The following LUZP2 variants were observed in gnomAD, a reference collection of about 807,000 sequenced individuals.
LUZP2 encodes leucine zipper protein 2.
LUZP2 carries 52 observed loss-of-function variants against 51.6 expected under a neutral mutation model. The observed-to-expected ratio is 1.01, with a 90% CI of 0.81 to 1.27. The LOEUF is 1.27. Ranked by LOEUF, LUZP2 falls within the 50% of genes most tolerant of loss-of-function variation. LUZP2 has a pLI of 0.00. For missense variants in LUZP2, 436 were observed against 395.4 expected, an observed-to-expected ratio of 1.10 and a Z score of -0.87; for synonymous variants, 154 against 137.3, an observed-to-expected ratio of 1.12 and a Z score of -0.85.
At chr11:24,896,357 G>A (rs1284303378) in intron 5 of LUZP2, among the ~76,000 whole-genome samples, 1 of 152,154 alleles carries the variant, frequency 6.6e-6, no homozygotes, top group African/African-American at 2.4e-5. Flanking sequence ...GGTGGGCGGG[G>A]CCTCAGCGGT....
At position 25,079,366 on chromosome 11, in the gene LUZP2, C is replaced by T. The variant is rs1859407859; in HGVS notation, c.*708C>T. 6.6e-6 allele frequency: 1 copy of T among 151,972 alleles called. No homozygotes were observed. Among genetic ancestry groups the T allele is most frequent in the Middle Eastern group, 3.2e-3 (1 of 316 alleles). 9.4% of individuals were successfully genotyped at this position (151,972 alleles called of 1,614,324 possible). A position where few individuals can be genotyped will look rare whatever the true frequency, so the allele number is the denominator to read the frequency against. ...CCTATGTATGTCTACTGTAATTAAT[C>T]CAAGTTAATAACCAAGTTTTCTGAA... is the stretch of plus-strand genomic sequence containing the variant. On this transcript the variant is annotated 3_prime_UTR_variant, in exon 12 of 12. Transcript: ENST00000336930.
rs560889861 is a variant in LUZP2 at position 24,893,771 on chromosome 11, C to T, written c.397-12220C>T. 3.2e-3 allele frequency among the ~76,000 whole-genome samples: 68 copies of T among 21,202 alleles called. 1 individual carries two copies. Among genetic ancestry groups the T allele is most frequent in the South Asian group, 0.011 (4 of 362 alleles). The allele number at this position is 21,202 out of a possible 152,430, so 13.9% of individuals were successfully genotyped here. The stretch of plus-strand genomic sequence containing the variant: ...ACACAAACACATGCACAAATACACA[C>T]GCACACACACACACACACACACACA... On this transcript the variant is annotated intron_variant, in intron 5 of 11. Transcript: ENST00000336930.
In LUZP2 at chr11:24,863,404, C is replaced by G. The variant is rs3850768; in HGVS notation, c.397-42587C>G. On this transcript the variant is annotated intron_variant, in intron 5 of 11. Transcript: ENST00000336930. Reference sequence around the variant, plus strand: ...GAAAAAAAGTAGACATGCTACAATACGGATGAACCTTGAAAACATGATCCA... The same window carrying G: ...GAAAAAAAGTAGACATGCTACAATAGGGATGAACCTTGAAAACATGATCCA... 1.8e-4 allele frequency among the ~76,000 whole-genome samples: 28 copies of G among 152,274 alleles called. No homozygotes were observed. In the South Asian group the frequency reaches 5.8e-3, roughly 32 times the overall value.
chr11:24,909,882 AC>A (rs1479257637), intron 6 of LUZP2, among the ~76,000 whole-genome samples: 1 of 152,176 alleles, frequency 6.6e-6, no homozygotes, highest in Non-Finnish European at 1.5e-5. Context: ...GAACTGGCTA[AC>A]AGGCAGAGGT....
At chr11:24,684,516 T>C (rs887537512) in intron 1 of LUZP2, among the ~76,000 whole-genome samples, 7 of 152,226 alleles carry the variant, frequency 4.6e-5, no homozygotes, top group African/African-American at 1.7e-4. Flanking sequence ...ATGTTTCTTC[T>C]GTGCCCTGAG....
At chr11:24,986,551 G>GTGTGTGTGTGTGTGTT (rs1554950278) in intron 9 of LUZP2, among the ~76,000 whole-genome samples, 17 of 151,034 alleles carry the variant, frequency 1.1e-4, no homozygotes, top group South Asian at 2.1e-4. Flanking sequence ...GTGTGTGTGT[G>GTGTGTGTGTGTGTGTT]TGTGTGTGTG....
chr11:24,780,607 G>A (rs1390357629), intron 5 of LUZP2, among the ~76,000 whole-genome samples: 1 of 152,074 alleles, frequency 6.6e-6, no homozygotes, highest in African/African-American at 2.4e-5. Flanking sequence ...TGATGATGAT[G>A]ATGATCGTAA....
At chr11:24,728,901 T>C (rs1427905960) in intron 1 of LUZP2, among the ~76,000 whole-genome samples, 1 of 151,966 alleles carries the variant, frequency 6.6e-6, no homozygotes, top group Non-Finnish European at 1.5e-5. Flanking sequence ...AGGCATGTCT[T>C]ACATGCAGCA....
chr11:24,951,510 G>C (rs1282556920), intron 7 of LUZP2, among the ~76,000 whole-genome samples: 2 of 151,470 alleles, frequency 1.3e-5, no homozygotes, highest in African/African-American at 4.8e-5. Context: ...TTAATTATAA[G>C]CATTTACGAT....
chr11:24,633,954 G>GTATATATATA, intron 1 of LUZP2, among the ~76,000 whole-genome samples: 1 of 112,142 alleles, frequency 8.9e-6, no homozygotes, highest in Non-Finnish European at 2.0e-5. Flanking sequence ...GTGTGTGTGT[G>GTATATATATA]TGTGTGTGTG....
intron 1 of LUZP2, among the ~76,000 whole-genome samples, chr11:24,602,374 G>GTATA (rs1176071769): frequency 8.2e-4 from 55 of 67,078 alleles, no homozygotes; most frequent in African/African-American, 2.5e-3. Context: ...GTGTGTGTGT[G>GTATA]TATATATATA....
At chr11:24,608,871 A>T (rs1045327730) in intron 1 of LUZP2, among the ~76,000 whole-genome samples, 1 of 151,864 alleles carries the variant, frequency 6.6e-6, no homozygotes, top group Admixed American at 6.6e-5. Context: ...CTTCTTTCAG[A>T]TTTTCATTTT....
intron 9 of LUZP2, among the ~76,000 whole-genome samples, chr11:25,002,557 A>G (rs1389223644): frequency 1.3e-5 from 2 of 152,198 alleles, no homozygotes; most frequent in Non-Finnish European, 2.9e-5. Context: ...TAGTCCAGAC[A>G]GTGAGATCCT....
Position 24,705,933 on chromosome 11 carries a change from GA to G in LUZP2, c.63-23222del, listed in dbSNP as rs71041793. Among the ~76,000 whole-genome samples, 715 of 123,490 alleles carry G rather than the reference GA, an allele frequency of 5.8e-3. 2 individuals carry two copies. The highest frequency in any genetic ancestry group is 0.038 in the East Asian group (163 of 4,274). 81.0% of individuals were successfully genotyped at this position (123,490 alleles called of 152,430 possible). A position where few individuals can be genotyped will look rare whatever the true frequency, so the allele number is the denominator to read the frequency against. On this transcript the variant is annotated intron_variant, in intron 1 of 11. Transcript: ENST00000336930. ...AATATGTGCTCATAGCGCTAAAAAAGAAAAAAAAAAAAAAGGTGTGTCTGAA... is the reference window on the plus strand; with the variant it reads ...AATATGTGCTCATAGCGCTAAAAAAGAAAAAAAAAAAAAGGTGTGTCTGAA...
intron 1 of LUZP2, among the ~76,000 whole-genome samples, chr11:24,669,057 G>A (rs1856312531): frequency 6.6e-6 from 1 of 152,074 alleles, no homozygotes. Context: ...CTGCTACTAG[G>A]CAGGCAGCAA....
At chr11:24,584,882 T>C (rs78694139) in intron 1 of LUZP2, among the ~76,000 whole-genome samples, 2,831 of 152,262 alleles carry the variant, frequency 0.019, 82 homozygotes, top group African/African-American at 0.065. Flanking sequence ...GAGTTCCAGA[T>C]AGAAAAATAG....
intron 1 of LUZP2, among the ~76,000 whole-genome samples, chr11:24,561,879 G>A (rs995525407): frequency 6.6e-6 from 1 of 151,278 alleles, no homozygotes; most frequent in African/African-American, 2.4e-5. Context: ...GTAGAAAAAA[G>A]CACTTAAAGA....
At chr11:24,701,155 G>A (rs1053524065) in intron 1 of LUZP2, 6 of 152,800 alleles carry the variant, frequency 3.9e-5, no homozygotes, top group Non-Finnish European at 8.8e-5. Context: ...TCACCCCTCC[G>A]TGGAACTCAG....
chr11:24,917,509 G>A (rs1179554081), intron 7 of LUZP2, among the ~76,000 whole-genome samples: 1 of 152,082 alleles, frequency 6.6e-6, no homozygotes, highest in Non-Finnish European at 1.5e-5. Context: ...ATTAATTTTT[G>A]TATAAGGTGT....
Sources: allele counts gnomAD v4.1 joint callset (sites outside exome capture counted in the v4.1 genomes callset), GRCh38; gene constraint gnomAD v4.1.1; transcripts MANE v1.5; gene names NCBI Gene and HGNC (gene_info 2026-07-23, HGNC 2026-07-21).